BUB1: variants seen among roughly 807,000 people sequenced by gnomAD.
BUB1 encodes mitotic checkpoint serine/threonine-protein kinase BUB1.
BUB1 carries 84 observed loss-of-function variants against 135.2 expected under a neutral mutation model. The ratio of observed to expected loss-of-function variants is 0.62; its 90% CI spans 0.52 to 0.74. The LOEUF (loss-of-function observed/expected upper bound fraction) is 0.74, where lower values mean the gene tolerates loss of function less well. BUB1 is among the 30% of genes least tolerant of loss of function. BUB1 has a pLI of 0.00. For synonymous variants in BUB1, 403 were observed against 434.4 expected, an observed-to-expected ratio of 0.93 and a Z score of 0.90; for missense variants, 1,162 against 1,288.3, an observed-to-expected ratio of 0.90 and a Z score of 1.50.
intron 3 of BUB1, among the ~76,000 whole-genome samples, chr2:110,673,108 A>G (rs955436889): frequency 2.6e-5 from 4 of 152,154 alleles, no homozygotes; most frequent in South Asian, 4.1e-4. Flanking sequence ...TGTGTAAGGC[A>G]CCTCCATAAA....
intron 14 of BUB1, 28 bp from the exon 15 acceptor site, chr2:110,657,145 T>G: frequency 6.4e-7 from 1 of 1,565,080 alleles, no homozygotes; most frequent in East Asian, 2.2e-5. Flanking sequence ...AAATTATAAA[T>G]AGTAAAATAT....
chr2:110,664,575 CT>C (rs559654974), intron 9 of BUB1, among the ~76,000 whole-genome samples: 6,594 of 135,778 alleles, frequency 0.049, 416 homozygotes, highest in African/African-American at 0.15. Flanking sequence ...CTGCTGTTGC[CT>C]TTTTTTTTTT....
chr2:110,650,202 G>T (rs1258390561), intron 18 of BUB1, among the ~76,000 whole-genome samples: 3 of 138,348 alleles, frequency 2.2e-5, no homozygotes, highest in African/African-American at 5.3e-5. Flanking sequence ...TAACAAGGGG[G>T]TGGGCGGGGG....
intron 9 of BUB1, chr2:110,666,009 G>T (rs556708116): frequency 5.7e-5 from 19 of 332,222 alleles, no homozygotes; most frequent in Non-Finnish European, 1.0e-4. Flanking sequence ...ACCAGAAAAA[G>T]GTCTATATAT....
intron 8 of BUB1, among the ~76,000 whole-genome samples, chr2:110,666,808 A>G (rs932991654): frequency 5.3e-5 from 8 of 152,216 alleles, no homozygotes; most frequent in Non-Finnish European, 1.0e-4. Context: ...TTCTAAGTAG[A>G]AGTGAACTGC....
intron 3 of BUB1, 98 bp downstream of exon 3, chr2:110,673,988 C>T: frequency 5.0e-6 from 5 of 996,162 alleles, no homozygotes; most frequent in Non-Finnish European, 5.9e-6. Flanking sequence ...GAACTAGAAA[C>T]AAGGAATTAA....
intron 9 of BUB1, among the ~76,000 whole-genome samples, chr2:110,663,871 CA>C (rs375844472): frequency 6.6e-6 from 1 of 151,058 alleles, no homozygotes; most frequent in African/African-American, 2.4e-5. Flanking sequence ...ACTAAAAATA[CA>C]AAAAAAATTA....
At chr2:110,653,726 C>G (rs1343680693) in intron 16 of BUB1, among the ~76,000 whole-genome samples, 1 of 152,126 alleles carries the variant, frequency 6.6e-6, no homozygotes, top group Non-Finnish European at 1.5e-5. Flanking sequence ...CACTACTGGC[C>G]AGGCACAGTG....
chr2:110,650,790 C>T lies in BUB1; in HGVS notation c.1965-6G>A, dbSNP rs368843962. The T allele has an allele frequency of 6.8e-6, 11 of 1,609,938 alleles. No individual in the cohort carries two copies. Among genetic ancestry groups the T allele is most frequent in the East Asian group, 2.2e-5 (1 of 44,844 alleles). On this transcript the variant is annotated splice_region_variant and splice_polypyrimidine_tract_variant and intron_variant, in intron 17 of 24. Coordinates refer to ENST00000302759, the MANE Select transcript of BUB1 (RefSeq NM_004336.5). ...GGCTTTTCTCTTGAATTGGACTGGA[C>T]GTGTGAAAGGAATAAAGAAACCAAA...
intron 17 of BUB1, among the ~76,000 whole-genome samples, chr2:110,652,059 TACACACACACACAC>T (rs559734586): frequency 6.9e-6 from 1 of 145,210 alleles, no homozygotes; most frequent in Non-Finnish European, 1.5e-5. Context: ...TATACATCCA[TACACACACACACAC>T]ACACACACAC....
chr2:110,650,788 G>A lies in BUB1; in HGVS notation c.1965-4C>T. The A allele has an allele frequency of 6.2e-7, 1 of 1,611,522 alleles. No individual in the cohort carries two copies. The highest frequency in any genetic ancestry group is 1.7e-5 in the Admixed American group (1 of 59,956). ...TGGGCTTTTCTCTTGAATTGGACTG[G>A]ACGTGTGAAAGGAATAAAGAAACCA... On this transcript the variant is annotated splice_region_variant and splice_polypyrimidine_tract_variant and intron_variant, in intron 17 of 24. Coordinates refer to ENST00000302759, the MANE Select transcript of BUB1 (RefSeq NM_004336.5).
chr2:110,638,930 T>C (rs183553464), intron 24 of BUB1, among the ~76,000 whole-genome samples: 12 of 152,282 alleles, frequency 7.9e-5, no homozygotes, highest in African/African-American at 2.9e-4. Flanking sequence ...ATTTTTCTTT[T>C]TTTTTTGTGG....
intron 19 of BUB1, among the ~76,000 whole-genome samples, chr2:110,643,387 T>C (rs180677817): frequency 3.3e-5 from 5 of 152,264 alleles, no homozygotes; most frequent in African/African-American, 1.2e-4. Flanking sequence ...TAAGGACACA[T>C]AGGGCAATTA....
chr2:110,670,696 C>A, intron 4 of BUB1, 128 bp from the exon 5 acceptor site: 1 of 859,716 alleles, frequency 1.2e-6, no homozygotes, highest in Non-Finnish European at 1.8e-6. Context: ...AGAGAATGTA[C>A]AGTTGCATTT....
intron 1 of BUB1, among the ~76,000 whole-genome samples, chr2:110,677,004 T>C (rs1004701870): frequency 6.6e-6 from 1 of 152,238 alleles, no homozygotes; most frequent in East Asian, 1.9e-4. Flanking sequence ...AGAACCTTTC[T>C]TCCAAAATAT....
intron 6 of BUB1, among the ~76,000 whole-genome samples, chr2:110,668,414 G>A (rs146943019): frequency 1.3e-4 from 20 of 152,270 alleles, no homozygotes; most frequent in East Asian, 5.8e-4. Flanking sequence ...TGTGTAGGAC[G>A]TAAAATGTAA....
chr2:110,672,921 A>G lies in BUB1; in HGVS notation c.226-64T>C, dbSNP rs1013924835. On this transcript the variant is annotated intron_variant, in intron 3 of 24. Coordinates refer to ENST00000302759, the MANE Select transcript of BUB1 (RefSeq NM_004336.5). ...AACTGCTAGTCTATGTCTGGTGAGG[A>G]GTTAGCCAGCTAAGCTGGGAGCCCC... is the stretch of plus-strand genomic sequence containing the variant. 5 of 1,449,542 alleles carry G rather than the reference A, an allele frequency of 3.4e-6. No individual in the cohort carries two copies. In the East Asian group the frequency reaches 9.7e-5, roughly 28 times the overall value. 89.8% of individuals were successfully genotyped at this position (1,449,542 alleles called of 1,614,324 possible).
chr2:110,661,678 ACCAAAGCTGCAGAAATAGCATTTG>A lies in BUB1; in HGVS notation c.1097_1120del (p.Ala366_Leu373del). On this transcript the variant is annotated inframe_deletion, in exon 10 of 25. Coordinates refer to ENST00000302759, the MANE Select transcript of BUB1 (RefSeq NM_004336.5). ...AATGCTCTGGCTGGTGGCTGGGGAC[ACCAAAGCTGCAGAAATAGCATTTG>A]CCAAAGGAGGAACAACAGGAGGTGC... 2 of 1,614,178 alleles carry A rather than the reference ACCAAAGCTGCAGAAATAGCATTTG, an allele frequency of 1.2e-6. No individual in the cohort carries two copies. Among genetic ancestry groups the A allele is most frequent in the South Asian group, 2.2e-5 (2 of 91,086 alleles).
At position 110,638,047 on chromosome 2, in the gene BUB1, G is replaced by C; in HGVS notation, c.3175C>G (p.Gln1059Glu). The C allele has an allele frequency of 5.0e-6, 8 of 1,612,740 alleles. No homozygotes were observed. The highest frequency in any genetic ancestry group is 6.8e-6 in the Non-Finnish European group (8 of 1,179,404). The change falls in exon 25 of 25, where the codon CAA becomes GAA. Residue 1059 changes from glutamine (Q) to glutamate (E), a missense_variant. By Grantham distance (29) the Gln-to-Glu change is conservative (BLOSUM62 2). Transcript: ENST00000302759. ...CTAATCTTGTTAGTATAGTGTTGTTGAAATACTTTCTTCAGCTTTTGCCTT... is the reference window on the plus strand; with the variant it reads ...CTAATCTTGTTAGTATAGTGTTGTTCAAATACTTTCTTCAGCTTTTGCCTT... ...LLRQKLKKVF[Q>E]QHYTNKIRAL...
Sources: allele counts gnomAD v4.1 joint callset (sites outside exome capture counted in the v4.1 genomes callset), GRCh38; gene constraint gnomAD v4.1.1; transcripts MANE v1.5; gene names NCBI Gene and HGNC (gene_info 2026-07-23, HGNC 2026-07-21).